Variants in PDE1A observed in about 807,000 individuals in gnomAD.
PDE1A encodes the protein dual specificity calcium/calmodulin-dependent 3',5'-cyclic nucleotide phosphodiesterase 1A.
Under a neutral mutation model 61.7 loss-of-function variants are expected in PDE1A, and 35 were observed. That is an observed-to-expected ratio of 0.57 (90% CI 0.43 to 0.75). The LOEUF (loss-of-function observed/expected upper bound fraction) is 0.75, where lower values mean the gene tolerates loss of function less well. Among genes scored for constraint, PDE1A ranks in the 30% least tolerant of loss-of-function variants. PDE1A has a pLI of 0.00. For synonymous variants in PDE1A, 232 were observed against 213.2 expected, an observed-to-expected ratio of 1.09 and a Z score of -0.77; for missense variants, 597 against 630.6, an observed-to-expected ratio of 0.95 and a Z score of 0.57.
intron 1 of PDE1A, among the ~76,000 whole-genome samples, chr2:182,319,633 A>G (rs1470162946): frequency 2.0e-5 from 3 of 152,166 alleles, no homozygotes; most frequent in Admixed American, 6.5e-5. Context: ...CTGAGGTCTC[A>G]AAAGGACAAT....
chr2:182,193,523 T>A (rs1574639325), intron 10 of PDE1A, among the ~76,000 whole-genome samples: 1 of 152,050 alleles, frequency 6.6e-6, no homozygotes, highest in African/African-American at 2.4e-5. Context: ...TATAGAGAAT[T>A]TGATTGGGAG....
the PDE1A span, among the ~76,000 whole-genome samples, chr2:182,671,193 C>T: frequency 3.3e-5 from 5 of 149,550 alleles, no homozygotes; most frequent in East Asian, 2.0e-4. Context: ...TCTTTTGAGA[C>T]GGTGTTCTCG....
At chr2:182,199,171 A>T (rs1289883267) in intron 10 of PDE1A, among the ~76,000 whole-genome samples, 1 of 151,994 alleles carries the variant, frequency 6.6e-6, no homozygotes, top group Admixed American at 6.6e-5. Context: ...TTTGATGAAT[A>T]CAGGCTCTAT....
intron 1 of PDE1A, among the ~76,000 whole-genome samples, chr2:182,377,207 T>C (rs1700462085): frequency 6.6e-6 from 1 of 152,188 alleles, no homozygotes; most frequent in Non-Finnish European, 1.5e-5. Context: ...AAGTATTTGG[T>C]TCATGAGGGT....
chr2:182,553,710 G>T, the PDE1A span, among the ~76,000 whole-genome samples: 6 of 152,184 alleles, frequency 3.9e-5, no homozygotes, highest in African/African-American at 9.7e-5. Context: ...ACTTCTCACA[G>T]GAGGTTTCAT....
chr2:182,494,768 C>T (rs143717753), intron 2 of PDE1A, among the ~76,000 whole-genome samples: 413 of 152,178 alleles, frequency 2.7e-3, no homozygotes, highest in African/African-American at 9.4e-3. Flanking sequence ...GAATCTTCTT[C>T]CTCTCCAACT....
At chr2:182,540,830 A>C in the PDE1A span, among the ~76,000 whole-genome samples, 1 of 152,170 alleles carries the variant, frequency 6.6e-6, no homozygotes, top group South Asian at 2.1e-4. Context: ...ACACAAATAC[A>C]TGACTATGTA....
intron 13 of PDE1A, among the ~76,000 whole-genome samples, chr2:182,159,078 G>C (rs536982162): frequency 5.1e-4 from 78 of 152,212 alleles, no homozygotes; most frequent in South Asian, 1.9e-3. Flanking sequence ...CTAAATCTAG[G>C]CATATTTTAA....
the PDE1A span, among the ~76,000 whole-genome samples, chr2:182,561,681 C>G: frequency 6.6e-6 from 1 of 152,026 alleles, no homozygotes; most frequent in African/African-American, 2.4e-5. Context: ...ATTCTTCCTA[C>G]CCATGAGCAT....
rs115485050 is a variant in PDE1A, at chr2:182,154,489, C to A, written c.1517-7337G>T. 2.4e-3 allele frequency among the ~76,000 whole-genome samples: 368 copies of A among 152,262 alleles called. 4 individuals are homozygous for A. Among genetic ancestry groups the A allele is most frequent in the Non-Finnish European group, 4.0e-3 (273 of 68,022 alleles). ...CTCACCTTGAACTTAATAATCCCCACGTGTGAAGGGCAGGGCCAGGTGAAG... is the reference window on the plus strand; with the variant it reads ...CTCACCTTGAACTTAATAATCCCCAAGTGTGAAGGGCAGGGCCAGGTGAAG... On this transcript the variant is annotated intron_variant, in intron 13 of 13. Transcript: ENST00000409365.
At chr2:182,188,135 C>T (rs1366388624) in intron 11 of PDE1A, among the ~76,000 whole-genome samples, 1 of 152,162 alleles carries the variant, frequency 6.6e-6, no homozygotes, top group Non-Finnish European at 1.5e-5. Context: ...CAGCAACAAG[C>T]CTCAGAAACT....
chr2:182,347,754 T>A (rs558687900), intron 1 of PDE1A, among the ~76,000 whole-genome samples: 1 of 152,092 alleles, frequency 6.6e-6, no homozygotes, highest in Admixed American at 6.6e-5. Flanking sequence ...TAAATAATTA[T>A]AGTGCAAAGC....
chr2:182,253,140 T>A (rs190380220), intron 2 of PDE1A, among the ~76,000 whole-genome samples: 1 of 152,256 alleles, frequency 6.6e-6, no homozygotes. Context: ...AACATTTGCA[T>A]TAGGATTTAT....
chr2:182,209,263 C>G (rs560512778), intron 7 of PDE1A, among the ~76,000 whole-genome samples: 12 of 152,078 alleles, frequency 7.9e-5, no homozygotes, highest in African/African-American at 2.7e-4. Flanking sequence ...GAATGAGAAC[C>G]AAGTGAAACA....
intron 13 of PDE1A, among the ~76,000 whole-genome samples, chr2:182,170,396 T>A (rs1692090983): frequency 6.6e-6 from 1 of 152,076 alleles, no homozygotes; most frequent in South Asian, 2.1e-4. Flanking sequence ...ATATAACTAA[T>A]CTTATGAGCA....
chr2:182,220,216 A>C (rs1167982132), intron 7 of PDE1A, among the ~76,000 whole-genome samples: 1 of 152,138 alleles, frequency 6.6e-6, no homozygotes, highest in African/African-American at 2.4e-5. Context: ...CAGAAATATG[A>C]ACTAGCAAAG....
the PDE1A span, among the ~76,000 whole-genome samples, chr2:182,696,707 C>T: frequency 6.6e-6 from 1 of 152,042 alleles, no homozygotes; most frequent in Non-Finnish European, 1.5e-5. Context: ...GGAGGATGTG[C>T]ATGTGTGGGG....
chr2:182,324,033 G>A (rs1390941910), intron 1 of PDE1A, among the ~76,000 whole-genome samples: 1 of 152,150 alleles, frequency 6.6e-6, no homozygotes, highest in Admixed American at 6.5e-5. Flanking sequence ...CCATAGGAGA[G>A]TGAAAGACAG....
intron 7 of PDE1A, among the ~76,000 whole-genome samples, chr2:182,212,709 G>T (rs922671184): frequency 6.6e-6 from 1 of 151,804 alleles, no homozygotes; most frequent in African/African-American, 2.4e-5. Flanking sequence ...CTTTTCTGAC[G>T]GGCTTAAAAA....
Sources: allele counts gnomAD v4.1 joint callset (sites outside exome capture counted in the v4.1 genomes callset), GRCh38; gene constraint gnomAD v4.1.1; transcripts MANE v1.5; gene names NCBI Gene and HGNC (gene_info 2026-07-23, HGNC 2026-07-21).